Variants in ATP4B observed in about 807,000 individuals in gnomAD.
The protein encoded by ATP4B is ATPase H+/K+ transporting subunit beta.
Under a neutral mutation model 35.3 loss-of-function variants are expected in ATP4B, and 27 were observed. The observed-to-expected ratio is 0.76, with a 90% CI of 0.56 to 1.05. The LOEUF (loss-of-function observed/expected upper bound fraction) is 1.05, where lower values mean the gene tolerates loss of function less well. Among genes scored for constraint, ATP4B ranks in the 50% least tolerant of loss-of-function variants. The probability of loss-of-function intolerance (pLI) is 0.00; values close to 1 mark genes in which losing one functional copy is unlikely to be tolerated. For synonymous variants in ATP4B, 162 were observed against 156.0 expected, an observed-to-expected ratio of 1.04 and a Z score of -0.29; for missense variants, 375 against 384.8, an observed-to-expected ratio of 0.97 and a Z score of 0.21.
Position 113,654,906 on chromosome 13 carries a change from A to G in ATP4B, c.149T>C (p.Val50Ala), listed in dbSNP as rs767621964. 5.0e-6 allele frequency: 8 copies of G among 1,614,238 alleles called. No homozygotes were observed. The highest frequency in any genetic ancestry group is 6.8e-6 in the Non-Finnish European group (8 of 1,180,038). Residue 50 changes from valine (V) to alanine (A), a missense_variant, in exon 2 of 7, where the codon GTG becomes GCG. Val to Ala is a moderately conservative substitution (Grantham distance 64). Coordinates refer to ENST00000335288, the MANE Select transcript of ATP4B (RefSeq NM_000705.4). Reference sequence around the variant, plus strand: ...GCACAGGGCGAAGAGCCCAGTCATCACCACGTAGAAGGCCACGTAGTACAG... The same window carrying G: ...GCACAGGGCGAAGAGCCCAGTCATCGCCACGTAGAAGGCCACGTAGTACAG... Reference protein sequence around the residue: ...ISLYYVAFYVVMTGLFALCLY... With the variant: ...ISLYYVAFYVAMTGLFALCLY...
In ATP4B at chr13:113,653,407, C is replaced by A; in HGVS notation, c.269G>T (p.Gly90Val). Residue 90 changes from glycine to valine, a missense_variant, in exon 3 of 7, where the codon GGG (glycine) becomes GTG (valine). Coordinates refer to ENST00000335288, the MANE Select transcript of ATP4B (RefSeq NM_000705.4). Reference protein sequence around the residue: ...PGVTLRPDVYGEKGLEIVYNV... With the variant: ...PGVTLRPDVYVEKGLEIVYNV... The stretch of plus-strand genomic sequence containing the variant: ...GTAGACAATTTCCAGGCCTTTCTCC[C>A]CGTAAACATCCGGCCTTAAGGTTAC... 1 of 1,614,254 alleles carries A rather than the reference C, an allele frequency of 6.2e-7. No individual in the cohort carries two copies. Among genetic ancestry groups the A allele is most frequent in the Non-Finnish European group, 8.5e-7 (1 of 1,180,054 alleles).
intron 1 of ATP4B, 63 bp downstream of exon 1, chr13:113,657,970 T>G (rs1412370839): frequency 5.1e-6 from 7 of 1,367,046 alleles, no homozygotes; most frequent in Non-Finnish European, 7.0e-6. Context: ...TGAGCTCACC[T>G]GGAGGCTGCG....
intron 1 of ATP4B, among the ~76,000 whole-genome samples, chr13:113,655,630 T>A (rs961799487): frequency 6.6e-6 from 1 of 152,180 alleles, no homozygotes; most frequent in Non-Finnish European, 1.5e-5. Context: ...TGTGCTGTCT[T>A]CGTCTCTGTA....
In ATP4B at chr13:113,650,893, G is replaced by A. The variant is rs562155299; in HGVS notation, c.613-386C>T. ...GAGTGGGGCAAGCGAATGCGTTTTT[G>A]TGAGATTGGGGCCCTCTCGTTTCAG... On this transcript the variant is annotated intron_variant, in intron 5 of 6. Coordinates refer to ENST00000335288, the MANE Select transcript of ATP4B (RefSeq NM_000705.4). This position sits in a 1 kb window ranked among gnomAD's most constrained non-coding sequence, Gnocchi z 5.0. Among the ~76,000 whole-genome samples the A allele has an allele frequency of 6.6e-6, 1 of 152,282 alleles. No homozygotes were observed. The highest frequency in any genetic ancestry group is 1.9e-4 in the East Asian group (1 of 5,172).
rs2140698381 is a variant in ATP4B, at chr13:113,650,214, T to C, written c.714+192A>G. On this transcript the variant is annotated intron_variant, in intron 6 of 6. Coordinates refer to ENST00000335288, the MANE Select transcript of ATP4B (RefSeq NM_000705.4). This position sits in a 1 kb window ranked among gnomAD's most constrained non-coding sequence, Gnocchi z 5.0. Reference sequence around the variant, plus strand: ...AAGAGTTAGAGTTGTATTTTCATGTTGCGTGAGAGGAATGTTTCCAGGTAG... The same window carrying C: ...AAGAGTTAGAGTTGTATTTTCATGTCGCGTGAGAGGAATGTTTCCAGGTAG... Among the ~76,000 whole-genome samples the C allele has an allele frequency of 6.6e-6, 1 of 152,096 alleles. No individual in the cohort carries two copies. The highest frequency in any genetic ancestry group is 3.4e-3 in the Middle Eastern group (1 of 292).
At chr13:113,651,647 T>C (rs2049712896) in intron 5 of ATP4B, 24 bp downstream of exon 5, 4 of 1,588,036 alleles carry the variant, frequency 2.5e-6, no homozygotes, top group Non-Finnish European at 3.4e-6. Context: ...GGGGCAGCCC[T>C]GCCCGCCGCG....
chr13:113,651,287 T>C (rs1045798138), intron 5 of ATP4B, among the ~76,000 whole-genome samples: 1 of 152,266 alleles, frequency 6.6e-6, no homozygotes, highest in African/African-American at 2.4e-5. Flanking sequence ...CTTAGCAGTC[T>C]GTATACTAAA....
chr13:113,654,520 G>A (rs1203483413), intron 2 of ATP4B, among the ~76,000 whole-genome samples: 1 of 152,242 alleles, frequency 6.6e-6, no homozygotes, highest in Non-Finnish European at 1.5e-5. Flanking sequence ...AAACCCTTCT[G>A]TTTCATAATT....
chr13:113,653,461 C>T (rs374221658), intron 2 of ATP4B, 27 bp from the exon 3 acceptor site: 54 of 1,592,510 alleles, frequency 3.4e-5, no homozygotes, highest in African/African-American at 1.9e-4. Flanking sequence ...TTGTGCTTAG[C>T]GTCTCCAAAT....
intron 4 of ATP4B, among the ~76,000 whole-genome samples, chr13:113,652,098 A>G (rs1196772839): frequency 1.3e-5 from 2 of 152,302 alleles, no homozygotes; most frequent in East Asian, 3.9e-4. Context: ...CAGCTCTTCC[A>G]GAAAACTCTC....
At position 113,650,251 on chromosome 13, in the gene ATP4B, T is replaced by G. The variant is rs1414259586; in HGVS notation, c.714+155A>C. Among the ~76,000 whole-genome samples, 1 of 152,106 alleles carries G rather than the reference T, an allele frequency of 6.6e-6. No individual in the cohort carries two copies. Among genetic ancestry groups the G allele is most frequent in the Non-Finnish European group, 1.5e-5 (1 of 68,012 alleles). ...ATGTTTCCAGGTAGATACAAGAACCTGGGCTTGGGAAACACGCAGAACGTT... is the reference window on the plus strand; with the variant it reads ...ATGTTTCCAGGTAGATACAAGAACCGGGGCTTGGGAAACACGCAGAACGTT... On this transcript the variant is annotated intron_variant, in intron 6 of 6. Transcript: ENST00000335288. This position sits in a 1 kb window ranked among gnomAD's most constrained non-coding sequence, Gnocchi z 5.0.
chr13:113,656,153 G>T (rs966363560), intron 1 of ATP4B, among the ~76,000 whole-genome samples: 1 of 152,200 alleles, frequency 6.6e-6, no homozygotes, highest in Non-Finnish European at 1.5e-5. Flanking sequence ...GAGGGTTTCT[G>T]TCCTGTCACT....
At chr13:113,656,901 C>T (rs547086784) in intron 1 of ATP4B, among the ~76,000 whole-genome samples, 7 of 152,252 alleles carry the variant, frequency 4.6e-5, no homozygotes, top group East Asian at 3.9e-4. Context: ...GCCCAGCCCC[C>T]GCCCTCAGCT....
rs769251679 is a variant in ATP4B, at chr13:113,653,280, C to CACCCGCCGCTTCACACCTCACCT, written c.355+18_355+40dup. 1.2e-3 allele frequency: 1,809 copies of CACCCGCCGCTTCACACCTCACCT among 1,550,932 alleles called. 8 individuals are homozygous for CACCCGCCGCTTCACACCTCACCT. Among genetic ancestry groups the CACCCGCCGCTTCACACCTCACCT allele is most frequent in the South Asian group, 1.1e-3 (97 of 89,660 alleles). ...CCCACCCGCCGCTTCACACCTCACC[C>CACCCGCCGCTTCACACCTCACCT]ACCCGCCGCTTCACACCTCACCTGC... is the stretch of plus-strand genomic sequence containing the variant. On this transcript the variant is annotated intron_variant, in intron 3 of 6. Transcript: ENST00000335288.
rs76478434 is a variant in ATP4B at position 113,650,170 on chromosome 13, A to G, written c.714+236T>C. ...TGGGTGACAGAGCAAGACTGTCTCA[A>G]AAAAAAAAAAAAAAGTTGAAGAGTT... On this transcript the variant is annotated intron_variant, in intron 6 of 6. Transcript: ENST00000335288. This position sits in a 1 kb window ranked among gnomAD's most constrained non-coding sequence, Gnocchi z 5.0. Among the ~76,000 whole-genome samples the G allele has an allele frequency of 7.2e-6, 1 of 139,566 alleles. No homozygotes were observed. The highest frequency in any genetic ancestry group is 6.9e-5 in the Admixed American group (1 of 14,390). The allele number at this position is 139,566 out of a possible 152,430, so 91.6% of individuals were successfully genotyped here.
chr13:113,649,301 C>G lies in ATP4B; in HGVS notation c.*73G>C. 1.3e-6 allele frequency: 2 copies of G among 1,507,212 alleles called. No homozygotes were observed. The highest frequency in any genetic ancestry group is 1.3e-5 in the South Asian group (1 of 79,254). The allele number at this position is 1,507,212 out of a possible 1,614,324, so 93.4% of individuals were successfully genotyped here. A position where few individuals can be genotyped will look rare whatever the true frequency, so the allele number is the denominator to read the frequency against. On this transcript the variant is annotated 3_prime_UTR_variant, in exon 7 of 7. Transcript: ENST00000335288. The surrounding 1 kb of genome is among the most constrained non-coding windows in gnomAD (Gnocchi z 4.7). Reference sequence around the variant, plus strand: ...GATGATTTGGCAGGGAACTGACGGGCAAGGTAAGCCCAACCAGGAGGGTGT... The same window carrying G: ...GATGATTTGGCAGGGAACTGACGGGGAAGGTAAGCCCAACCAGGAGGGTGT...
Position 113,653,444 on chromosome 13 carries a change from G to A in ATP4B, c.242-10C>T. ...GGCCTTAAGGTTACCCCTGGAGAGA[G>A]AGACCTTTGTGCTTAGCGTCTCCAA... On this transcript the variant is annotated splice_polypyrimidine_tract_variant and intron_variant, in intron 2 of 6. Coordinates refer to ENST00000335288, the MANE Select transcript of ATP4B (RefSeq NM_000705.4). 1 of 1,609,850 alleles carries A rather than the reference G, an allele frequency of 6.2e-7. No individual in the cohort carries two copies. Among genetic ancestry groups the A allele is most frequent in the Non-Finnish European group, 8.5e-7 (1 of 1,176,076 alleles).
chr13:113,654,517 T>G (rs1312523652), intron 2 of ATP4B, among the ~76,000 whole-genome samples: 4 of 152,266 alleles, frequency 2.6e-5, no homozygotes, highest in African/African-American at 9.6e-5. Context: ...ACAAAACCCT[T>G]CTGTTTCATA....
rs2049690584 is a variant in ATP4B, at chr13:113,648,873, A to T, written c.*501T>A. The T allele has an allele frequency of 6.6e-6, 1 of 152,224 alleles. No individual in the cohort carries two copies. Among genetic ancestry groups the T allele is most frequent in the African/African-American group, 2.4e-5 (1 of 41,434 alleles). The allele number at this position is 152,224 out of a possible 1,614,324, so 9.4% of individuals were successfully genotyped here. A position where few individuals can be genotyped will look rare whatever the true frequency, so the allele number is the denominator to read the frequency against. ...GGAAACACGATTTCTTTTTTTACAT[A>T]CAATAAGAGTAACTTTAATATATTT... is the stretch of plus-strand genomic sequence containing the variant. On this transcript the variant is annotated 3_prime_UTR_variant, in exon 7 of 7. Transcript: ENST00000335288.
Sources: gnomAD v4.1 joint callset for allele counts (sites outside exome capture counted in the v4.1 genomes callset) on GRCh38, gnomAD v4.1.1 for gene constraint, Gnocchi (gnomAD v3.1) non-coding constraint, MANE v1.5 for transcripts, NCBI Gene and HGNC (gene_info 2026-07-23, HGNC 2026-07-21) for gene names.